The following GRHL2 variants were observed in gnomAD, a reference collection of about 807,000 sequenced individuals.
GRHL2 encodes grainyhead-like protein 2 homolog.
Under a neutral mutation model 83.8 loss-of-function variants are expected in GRHL2, and 21 were observed. The observed-to-expected ratio is 0.25, with a 90% CI of 0.18 to 0.36. The LOEUF is 0.36. GRHL2 is among the 10% of genes least tolerant of loss of function. GRHL2 has a pLI of 1.00. For synonymous variants in GRHL2, 280 were observed against 278.9 expected (o/e 1.00, Z -0.04); for missense variants, 623 against 781.8 (o/e 0.80, Z 2.42).
At position 101,666,955 on chromosome 8, in the gene GRHL2, T is replaced by C. The variant is rs573977644; in HGVS notation, c.*252T>C. 3.0e-5 allele frequency: 17 copies of C among 572,666 alleles called. No homozygotes were observed. The highest frequency in any genetic ancestry group is 1.9e-4 in the African/African-American group (10 of 53,432). The allele number at this position is 572,666 out of a possible 1,614,324, so 35.5% of individuals were successfully genotyped here. ...TTAGGCCTGTTGGATTCCTATTTAT[T>C]GCCCACCTTTTCCTGGAGCCCAGGT... On this transcript the variant is annotated 3_prime_UTR_variant, in exon 16 of 16. Coordinates refer to ENST00000646743, the MANE Select transcript of GRHL2 (RefSeq NM_024915.4).
intron 2 of GRHL2, 97 bp downstream of exon 2, chr8:101,543,533 C>A (rs181280646): frequency 2.1e-4 from 240 of 1,117,100 alleles, no homozygotes; most frequent in Non-Finnish European, 3.0e-4. Flanking sequence ...GGCCAGGGAA[C>A]TAATAGCATT....
At chr8:101,610,743 G>C (rs1812731546) in intron 8 of GRHL2, among the ~76,000 whole-genome samples, 2 of 150,880 alleles carry the variant, frequency 1.3e-5, no homozygotes, top group South Asian at 4.2e-4. Context: ...ACACCATTTT[G>C]AGCCTCTTGG....
intron 8 of GRHL2, among the ~76,000 whole-genome samples, chr8:101,600,673 G>A (rs1812491277): frequency 6.6e-6 from 1 of 152,202 alleles, no homozygotes; most frequent in African/African-American, 2.4e-5. Context: ...CTGGCATGCA[G>A]ACAAACACAC....
chr8:101,543,797 A>G (rs1811205418), intron 2 of GRHL2: 1 of 296,172 alleles, frequency 3.4e-6, no homozygotes, highest in African/African-American at 2.2e-5. Flanking sequence ...TGGCTTTATT[A>G]GTCCATTTTC....
chr8:101,646,460 G>T (rs1452442347), intron 13 of GRHL2, among the ~76,000 whole-genome samples: 1 of 152,146 alleles, frequency 6.6e-6, no homozygotes, highest in African/African-American at 2.4e-5. Context: ...ACACATGAGG[G>T]CGCTGTAACC....
At chr8:101,589,593 G>C (rs896140213) in intron 7 of GRHL2, among the ~76,000 whole-genome samples, 2 of 152,176 alleles carry the variant, frequency 1.3e-5, no homozygotes, top group African/African-American at 4.8e-5. Context: ...CAACTTGAAA[G>C]CTGTAACATT....
At chr8:101,534,848 C>A (rs1444994528) in intron 1 of GRHL2, among the ~76,000 whole-genome samples, 2 of 152,140 alleles carry the variant, frequency 1.3e-5, no homozygotes, top group African/African-American at 2.4e-5. Context: ...AGGCTGAGGG[C>A]AGATAAGGAT....
At chr8:101,515,176 G>GCACA (rs4002325) in intron 1 of GRHL2, among the ~76,000 whole-genome samples, 9,762 of 144,438 alleles carry the variant, frequency 0.068, 518 homozygotes, top group African/African-American at 0.14. Context: ...CTGTCTCTCT[G>GCACA]CACACACACA....
chr8:101,507,409 T>C (rs934552144), intron 1 of GRHL2, among the ~76,000 whole-genome samples: 5 of 152,178 alleles, frequency 3.3e-5, no homozygotes, highest in African/African-American at 1.2e-4. Flanking sequence ...TTATTTAAAA[T>C]ATTCTATAAG....
At chr8:101,630,022 T>C (rs374503169) in intron 9 of GRHL2, among the ~76,000 whole-genome samples, 1 of 152,276 alleles carries the variant, frequency 6.6e-6, no homozygotes, top group East Asian at 1.9e-4. Flanking sequence ...GTAAGATAAT[T>C]ATTCCATTTG....
At chr8:101,629,542 C>CCCTTT (rs1488694013) in intron 9 of GRHL2, among the ~76,000 whole-genome samples, 2 of 151,958 alleles carry the variant, frequency 1.3e-5, no homozygotes, top group African/African-American at 2.4e-5. Context: ...TAATTCTTGT[C>CCCTTT]CCTTTCCTCA....
chr8:101,577,315 A>C (rs1811953001), intron 6 of GRHL2, 93 bp from the exon 7 acceptor site: 1 of 805,820 alleles, frequency 1.2e-6, no homozygotes, highest in Non-Finnish European at 2.2e-6. Flanking sequence ...GCAACATGAC[A>C]CAAACACACC....
chr8:101,678,850 C>T, the GRHL2 span, among the ~76,000 whole-genome samples: 1 of 148,722 alleles, frequency 6.7e-6, no homozygotes, highest in Non-Finnish European at 1.5e-5. Flanking sequence ...TCCAACAGAC[C>T]TGCAGCTGAG....
At chr8:101,603,508 A>G (rs974709370) in intron 8 of GRHL2, among the ~76,000 whole-genome samples, 1 of 152,248 alleles carries the variant, frequency 6.6e-6, no homozygotes, top group Non-Finnish European at 1.5e-5. Flanking sequence ...AAGGAAAGAC[A>G]TGAAACTCTA....
In GRHL2 at chr8:101,667,899, C is replaced by A. The variant is rs552971910; in HGVS notation, c.*1196C>A. ...TCATCTCAAGTGGCCCTTTAAAAGG[C>A]CTGCTGCCATGTGAGAGCTGTGAAC... is the stretch of plus-strand genomic sequence containing the variant. On this transcript the variant is annotated 3_prime_UTR_variant, in exon 16 of 16. Transcript: ENST00000646743. 13 of 152,904 alleles carry A rather than the reference C, an allele frequency of 8.5e-5. No individual in the cohort carries two copies. In the East Asian group the frequency reaches 2.5e-3, roughly 29 times the overall value. The allele number at this position is 152,904 out of a possible 1,614,324, so 9.5% of individuals were successfully genotyped here.
At position 101,667,038 on chromosome 8, in the gene GRHL2, T is replaced by TC. The variant is rs1814081070; in HGVS notation, c.*340dup. 1 of 410,782 alleles carries TC rather than the reference T, an allele frequency of 2.4e-6. No homozygotes were observed. The highest frequency in any genetic ancestry group is 4.5e-6 in the Non-Finnish European group (1 of 219,882). The allele number at this position is 410,782 out of a possible 1,614,324, so 25.4% of individuals were successfully genotyped here. ...AGCTCCAGATGAGACCGTCCAGCGT[T>TC]CCCCCTTCAAGAGAAACACTCATCC... On this transcript the variant is annotated 3_prime_UTR_variant, in exon 16 of 16. Coordinates refer to ENST00000646743, the MANE Select transcript of GRHL2 (RefSeq NM_024915.4).
At chr8:101,632,965 C>T (rs1813217349) in intron 11 of GRHL2, among the ~76,000 whole-genome samples, 2 of 152,096 alleles carry the variant, frequency 1.3e-5, no homozygotes, top group Admixed American at 1.3e-4. Context: ...TATGGTAGCT[C>T]AAGTTGATGG....
At chr8:101,601,925 A>T (rs917742935) in intron 8 of GRHL2, among the ~76,000 whole-genome samples, 3 of 152,202 alleles carry the variant, frequency 2.0e-5, no homozygotes, top group Non-Finnish European at 4.4e-5. Context: ...ACAAAGCAAG[A>T]AGTAAAAGCC....
At chr8:101,510,600 G>C (rs1810441717) in intron 1 of GRHL2, among the ~76,000 whole-genome samples, 2 of 151,964 alleles carry the variant, frequency 1.3e-5, no homozygotes, top group African/African-American at 4.8e-5. Context: ...GAATTTCCTA[G>C]CTTAAAATTT....
Sources: gnomAD v4.1 joint callset for allele counts (sites outside exome capture counted in the v4.1 genomes callset) on GRCh38, gnomAD v4.1.1 for gene constraint, MANE v1.5 for transcripts, NCBI Gene and HGNC (gene_info 2026-07-23, HGNC 2026-07-21) for gene names.